The following HS3ST4 variants were observed in gnomAD, a reference collection of about 807,000 sequenced individuals.
HS3ST4 encodes heparan sulfate-glucosamine 3-sulfotransferase 4.
A neutral mutation model predicts 29.2 loss-of-function variants in HS3ST4; 17 were observed. The ratio of observed to expected loss-of-function variants is 0.58; its 90% CI spans 0.40 to 0.87. The LOEUF is 0.87. Among genes scored for constraint, HS3ST4 ranks in the 40% least tolerant of loss-of-function variants. The pLI is 0.00. For missense variants in HS3ST4, 627 were observed against 634.5 expected (o/e 0.99, Z 0.13); for synonymous variants, 314 against 285.7 (o/e 1.10, Z -1.00).
At chr16:25,930,922 A>AAAAACAAAAACAAAAAC (rs202229326) in intron 1 of HS3ST4, among the ~76,000 whole-genome samples, 2 of 148,114 alleles carry the variant, frequency 1.4e-5, no homozygotes, top group African/African-American at 5.0e-5. Flanking sequence ...AAACAAAAAC[A>AAAAACAAAAACAAAAAC]AAAAAAAAAC....
At chr16:26,051,283 A>G (rs1898342628) in intron 1 of HS3ST4, among the ~76,000 whole-genome samples, 1 of 152,104 alleles carries the variant, frequency 6.6e-6, no homozygotes, top group South Asian at 2.1e-4. Flanking sequence ...ATTACCCTGC[A>G]AACCTCAAGC....
At chr16:26,027,583 G>A (rs145615043) in intron 1 of HS3ST4, among the ~76,000 whole-genome samples, 314 of 152,254 alleles carry the variant, frequency 2.1e-3, no homozygotes, top group African/African-American at 6.2e-3. Flanking sequence ...TATTTATGTT[G>A]AATAAATGAA....
chr16:25,999,872 TTTATATATATTATATATATATA>T, intron 1 of HS3ST4, among the ~76,000 whole-genome samples: 3 of 128,986 alleles, frequency 2.3e-5, no homozygotes, highest in South Asian at 4.5e-4. Flanking sequence ...TATTATATAT[TTTATATATATTATATATATATA>T]TTTTATATAT....
At chr16:26,013,451 A>G (rs1969330686) in intron 1 of HS3ST4, among the ~76,000 whole-genome samples, 1 of 152,200 alleles carries the variant, frequency 6.6e-6, no homozygotes, top group African/African-American at 2.4e-5. Flanking sequence ...ATATATGGTC[A>G]GCACACATAG....
intron 1 of HS3ST4, among the ~76,000 whole-genome samples, chr16:25,902,931 A>G (rs904813790): frequency 2.6e-5 from 4 of 151,778 alleles, no homozygotes; most frequent in African/African-American, 9.7e-5. Context: ...GACCCTGTCC[A>G]TACAAAAAAA....
intron 1 of HS3ST4, among the ~76,000 whole-genome samples, chr16:25,773,938 A>G (rs1966845199): frequency 6.6e-6 from 1 of 151,696 alleles, no homozygotes. Flanking sequence ...GAATCTGACT[A>G]TCTCGGTGAC....
At chr16:25,885,351 C>T (rs896912490) in intron 1 of HS3ST4, among the ~76,000 whole-genome samples, 1 of 152,080 alleles carries the variant, frequency 6.6e-6, no homozygotes, top group Non-Finnish European at 1.5e-5. Flanking sequence ...AATTTGGTTT[C>T]GAGACCCTCA....
At chr16:25,993,688 A>G (rs1969132769) in intron 1 of HS3ST4, among the ~76,000 whole-genome samples, 1 of 151,918 alleles carries the variant, frequency 6.6e-6, no homozygotes, top group Non-Finnish European at 1.5e-5. Flanking sequence ...TAAAACACCT[A>G]GCACTTGGCA....
chr16:25,809,823 C>T lies in HS3ST4; in HGVS notation c.734+116672C>T, dbSNP rs1020970426. Among the ~76,000 whole-genome samples the T allele has an allele frequency of 5.3e-5, 8 of 152,094 alleles. No individual in the cohort carries two copies. The South Asian group carries it at 1.2e-3, about 24-fold the overall frequency. On this transcript the variant is annotated intron_variant, in intron 1 of 1. Coordinates refer to ENST00000331351, the MANE Select transcript of HS3ST4 (RefSeq NM_006040.3). ...TCTATCTTTTTAATGATCCCAGGAC[C>T]TGCAGTGAGATACCCTGTTCCATTC...
In HS3ST4 at chr16:25,888,373, T is replaced by G. The variant is rs1967975948; in HGVS notation, c.734+195222T>G. ...GGTTACCTTTCTCCCTCTCTTTATC[T>G]CTGCGTTTCTCTGGCCTGATTTTAT... On this transcript the variant is annotated intron_variant, in intron 1 of 1. Coordinates refer to ENST00000331351, the MANE Select transcript of HS3ST4 (RefSeq NM_006040.3). Among the ~76,000 whole-genome samples the G allele has an allele frequency of 2.6e-5, 4 of 152,244 alleles. No homozygotes were observed. In the South Asian group the frequency reaches 8.3e-4, roughly 32 times the overall value.
chr16:25,897,715 G>T (rs139712261), intron 1 of HS3ST4, among the ~76,000 whole-genome samples: 2 of 152,090 alleles, frequency 1.3e-5, no homozygotes, highest in Non-Finnish European at 2.9e-5. Context: ...TCTCCCCCTC[G>T]TTCTGCCGTT....
At chr16:25,703,376 G>T (rs888943382) in intron 1 of HS3ST4, among the ~76,000 whole-genome samples, 2 of 152,158 alleles carry the variant, frequency 1.3e-5, no homozygotes, top group Admixed American at 6.5e-5. Flanking sequence ...GCCAGGCTTG[G>T]CTCCGAGTAT....
At chr16:25,889,470 A>T (rs1172264331) in intron 1 of HS3ST4, among the ~76,000 whole-genome samples, 1 of 152,204 alleles carries the variant, frequency 6.6e-6, no homozygotes, top group African/African-American at 2.4e-5. Flanking sequence ...CAACATTTAG[A>T]CACAATCAAT....
chr16:26,106,090 A>G (rs573351559), intron 1 of HS3ST4, among the ~76,000 whole-genome samples: 1 of 152,324 alleles, frequency 6.6e-6, no homozygotes, highest in Non-Finnish European at 1.5e-5. Context: ...AAGACCGTAG[A>G]CCCAGTTCTG....
chr16:26,012,179 A>C (rs1429481050), intron 1 of HS3ST4, among the ~76,000 whole-genome samples: 3 of 152,234 alleles, frequency 2.0e-5, no homozygotes, highest in Admixed American at 2.0e-4. Flanking sequence ...GTTTTACCAT[A>C]AAACAAGGAA....
chr16:26,064,581 G>C (rs1898520370), intron 1 of HS3ST4, among the ~76,000 whole-genome samples: 1 of 151,084 alleles, frequency 6.6e-6, no homozygotes, highest in African/African-American at 2.4e-5. Flanking sequence ...GGAAGGCCTA[G>C]GAGCAGAGAC....
intron 1 of HS3ST4, among the ~76,000 whole-genome samples, chr16:25,868,904 T>G (rs979092822): frequency 2.6e-5 from 4 of 152,108 alleles, no homozygotes; most frequent in Non-Finnish European, 5.9e-5. Flanking sequence ...CTTCTAGGGT[T>G]TCTTTGTCTG....
At chr16:25,809,838 C>G (rs1967024498) in intron 1 of HS3ST4, among the ~76,000 whole-genome samples, 1 of 152,092 alleles carries the variant, frequency 6.6e-6, no homozygotes, top group South Asian at 2.1e-4. Flanking sequence ...GTGAGATACC[C>G]TGTTCCATTC....
At chr16:26,098,733 T>G (rs1203451896) in intron 1 of HS3ST4, among the ~76,000 whole-genome samples, 1 of 146,582 alleles carries the variant, frequency 6.8e-6, no homozygotes, top group African/African-American at 2.5e-5. Flanking sequence ...TAAAGTATAA[T>G]AAAAAAAAAA....
Sources: allele counts gnomAD v4.1 joint callset (sites outside exome capture counted in the v4.1 genomes callset), GRCh38; gene constraint gnomAD v4.1.1; transcripts MANE v1.5; gene names NCBI Gene and HGNC (gene_info 2026-07-23, HGNC 2026-07-21).